Variants in ARHGAP28 observed in about 807,000 individuals in gnomAD.
The protein encoded by ARHGAP28 is Rho GTPase activating protein 28.
In ARHGAP28, 56 loss-of-function variants were observed where a neutral mutation model predicts 90.7. That is an observed-to-expected ratio of 0.62 (90% CI 0.50 to 0.77). The LOEUF (loss-of-function observed/expected upper bound fraction) is 0.77, where lower values mean the gene tolerates loss of function less well. ARHGAP28 is among the 30% of genes least tolerant of loss of function. The probability of loss-of-function intolerance (pLI) is 0.00; values close to 1 mark genes in which losing one functional copy is unlikely to be tolerated. For synonymous variants in ARHGAP28, 308 were observed against 323.3 expected, an observed-to-expected ratio of 0.95 and a Z score of 0.51; for missense variants, 869 against 900.9, an observed-to-expected ratio of 0.96 and a Z score of 0.45.
chr18:6,785,071 T>C (rs2056355449), intron 1 of ARHGAP28, among the ~76,000 whole-genome samples: 1 of 152,176 alleles, frequency 6.6e-6, no homozygotes, highest in Non-Finnish European at 1.5e-5. Flanking sequence ...ATAAGCTGTC[T>C]TTGGAATTAA....
intron 2 of ARHGAP28, among the ~76,000 whole-genome samples, chr18:6,831,825 G>T (rs567247385): frequency 4.4e-4 from 67 of 152,028 alleles, no homozygotes; most frequent in Non-Finnish European, 7.4e-4. Context: ...ACAGGGAACG[G>T]GTTCAGTACT....
chr18:6,747,585 A>G (rs2056033784), intron 1 of ARHGAP28, among the ~76,000 whole-genome samples: 1 of 152,186 alleles, frequency 6.6e-6, no homozygotes, highest in Non-Finnish European at 1.5e-5. Flanking sequence ...GAAGTAATTA[A>G]AATATTGAAT....
intron 2 of ARHGAP28, among the ~76,000 whole-genome samples, chr18:6,825,508 A>C (rs2056655866): frequency 6.6e-6 from 1 of 152,146 alleles, no homozygotes; most frequent in African/African-American, 2.4e-5. Flanking sequence ...TATTTTAGAT[A>C]TACAAGGGGT....
chr18:6,787,353 TTTAC>T (rs922532013), intron 1 of ARHGAP28, among the ~76,000 whole-genome samples: 6 of 152,064 alleles, frequency 3.9e-5, no homozygotes, highest in Admixed American at 6.6e-5. Context: ...ATTGTTATTA[TTTAC>T]TTTTCCTTTA....
At chr18:6,760,910 C>A (rs1389664133) in intron 1 of ARHGAP28, among the ~76,000 whole-genome samples, 2 of 152,130 alleles carry the variant, frequency 1.3e-5, no homozygotes, top group African/African-American at 4.8e-5. Context: ...ATTCAGAATA[C>A]AAATGTAGAA....
At chr18:6,803,222 C>G (rs1743787731) in intron 1 of ARHGAP28, among the ~76,000 whole-genome samples, 1 of 152,038 alleles carries the variant, frequency 6.6e-6, no homozygotes, top group Non-Finnish European at 1.5e-5. Flanking sequence ...TACTGTTTTT[C>G]CTAGATTCCC....
At chr18:6,908,928 C>T (rs2057378896) in intron 16 of ARHGAP28, 32 bp from the exon 17 acceptor site, 1 of 1,343,630 alleles carries the variant, frequency 7.4e-7, no homozygotes, top group African/African-American at 1.5e-5. Flanking sequence ...GGAAAAAGTA[C>T]TAAAATTATA....
At chr18:6,823,779 C>T (rs2056642054) in intron 1 of ARHGAP28, among the ~76,000 whole-genome samples, 1 of 152,004 alleles carries the variant, frequency 6.6e-6, no homozygotes, top group South Asian at 2.1e-4. Context: ...AACAGTCTTG[C>T]TCTGTTGCCC....
intron 1 of ARHGAP28, among the ~76,000 whole-genome samples, chr18:6,783,106 G>A (rs967687182): frequency 6.6e-6 from 1 of 152,004 alleles, no homozygotes; most frequent in African/African-American, 2.4e-5. Context: ...TCTGAGCTGG[G>A]CTTTTGATGG....
intron 1 of ARHGAP28, among the ~76,000 whole-genome samples, chr18:6,797,541 A>G (rs2056449998): frequency 6.6e-6 from 1 of 152,182 alleles, no homozygotes; most frequent in South Asian, 2.1e-4. Flanking sequence ...GTCTTCTGTA[A>G]TAGCAGAACT....
At chr18:6,778,242 T>C (rs975217949) in intron 1 of ARHGAP28, among the ~76,000 whole-genome samples, 3 of 152,212 alleles carry the variant, frequency 2.0e-5, no homozygotes, top group African/African-American at 7.2e-5. Flanking sequence ...TTGAAATTAG[T>C]GCAGAGATGG....
At chr18:6,823,707 A>AT (rs2056641670) in intron 1 of ARHGAP28, among the ~76,000 whole-genome samples, 1 of 150,730 alleles carries the variant, frequency 6.6e-6, no homozygotes, top group African/African-American at 2.4e-5. Flanking sequence ...TCAAAATTAT[A>AT]TTTTTAAGCA....
chr18:6,820,627 A>T (rs2056620484), intron 1 of ARHGAP28, among the ~76,000 whole-genome samples: 1 of 152,242 alleles, frequency 6.6e-6, no homozygotes, highest in Non-Finnish European at 1.5e-5. Context: ...TAAAGATAAA[A>T]TCTATTATGA....
chr18:6,873,896 A>C, intron 9 of ARHGAP28, 121 bp downstream of exon 9: 2 of 844,312 alleles, frequency 2.4e-6, no homozygotes, highest in Non-Finnish European at 3.8e-6. Context: ...ATTAGGACTC[A>C]GGCCCCTGGT....
intron 1 of ARHGAP28, among the ~76,000 whole-genome samples, chr18:6,784,373 T>G (rs1474916646): frequency 6.6e-6 from 1 of 152,182 alleles, no homozygotes; most frequent in Non-Finnish European, 1.5e-5. Context: ...AGGGAGCAAG[T>G]AGCCAGGAGC....
At chr18:6,901,639 T>C (rs527374570) in intron 16 of ARHGAP28, among the ~76,000 whole-genome samples, 142 of 151,854 alleles carry the variant, frequency 9.4e-4, no homozygotes, top group Admixed American at 2.0e-3. Context: ...AAAATCCCAA[T>C]TGAGGAACAC....
At chr18:6,785,813 C>T (rs1254419778) in intron 1 of ARHGAP28, among the ~76,000 whole-genome samples, 1 of 152,132 alleles carries the variant, frequency 6.6e-6, no homozygotes, top group Non-Finnish European at 1.5e-5. Flanking sequence ...TGGCTAATAC[C>T]ATACGGTGAT....
chr18:6,768,584 TCTGGGGGGTCAGGGG>T (rs982108616), intron 1 of ARHGAP28, among the ~76,000 whole-genome samples: 1 of 152,146 alleles, frequency 6.6e-6, no homozygotes, highest in African/African-American at 2.4e-5. Flanking sequence ...AAGATCCTTT[TCTGGGGGGTCAGGGG>T]CTGCTCTATG....
chr18:6,851,322 C>T (rs998059809), intron 4 of ARHGAP28, among the ~76,000 whole-genome samples, 196 bp downstream of exon 4: 3 of 152,070 alleles, frequency 2.0e-5, no homozygotes, highest in South Asian at 4.1e-4. Flanking sequence ...TAGTTAAGCT[C>T]GTGAAAATGT....
Sources: allele counts gnomAD v4.1 joint callset (sites outside exome capture counted in the v4.1 genomes callset), GRCh38; gene constraint gnomAD v4.1.1; transcripts MANE v1.5; gene names NCBI Gene and HGNC (gene_info 2026-07-23, HGNC 2026-07-21).